SLC38A10: variants seen among roughly 807,000 people sequenced by gnomAD.
SLC38A10 encodes the protein Sodium-coupled neutral amino acid transporter 10.
Under a neutral mutation model 81.0 loss-of-function variants are expected in SLC38A10, and 53 were observed. That is an observed-to-expected ratio of 0.65 (90% CI 0.53 to 0.82). The LOEUF (loss-of-function observed/expected upper bound fraction) is 0.82. Among genes scored for constraint, SLC38A10 ranks in the 40% least tolerant of loss-of-function variants. The probability of loss-of-function intolerance (pLI) is 0.00; values close to 1 mark genes in which losing one functional copy is unlikely to be tolerated. For synonymous variants in SLC38A10, 665 were observed against 655.3 expected, an observed-to-expected ratio of 1.01 and a Z score of -0.23; for missense variants, 1,471 against 1,545.0, an observed-to-expected ratio of 0.95 and a Z score of 0.80.
In SLC38A10 at chr17:81,286,153, C is replaced by T. The variant is rs771369904; in HGVS notation, c.218-1258G>A. The stretch of plus-strand genomic sequence containing the variant: ...GAACGCCCTCCACACCCCTCAGTGA[C>T]GGCACAGCCCGGAAGCAACAAAACA... On this transcript the variant is annotated intron_variant, in intron 2 of 15. Transcript: ENST00000374759. The surrounding 1 kb of genome is among the most constrained non-coding windows in gnomAD (Gnocchi z 6.0). Among the ~76,000 whole-genome samples the T allele has an allele frequency of 6.6e-6, 1 of 152,208 alleles. No individual in the cohort carries two copies. The highest frequency in any genetic ancestry group is 1.5e-5 in the Non-Finnish European group (1 of 68,034).
chr17:81,292,089 T>C (rs976029537), intron 1 of SLC38A10, among the ~76,000 whole-genome samples: 6 of 152,026 alleles, frequency 3.9e-5, no homozygotes, highest in Admixed American at 6.6e-5. Flanking sequence ...ATAATCTATA[T>C]AGATCTATAT....
In SLC38A10 at chr17:81,286,244, A is replaced by G. The variant is rs898477598; in HGVS notation, c.218-1349T>C. Reference sequence around the variant, plus strand: ...CTTTTCATTCTCCAAAAGGAAGCTGAGTCTCTACAGCATATTCCAAACACG... The same window carrying G: ...CTTTTCATTCTCCAAAAGGAAGCTGGGTCTCTACAGCATATTCCAAACACG... On this transcript the variant is annotated intron_variant, in intron 2 of 15. Coordinates refer to ENST00000374759, the MANE Select transcript of SLC38A10 (RefSeq NM_001037984.3). This position sits in a 1 kb window ranked among gnomAD's most constrained non-coding sequence, Gnocchi z 6.0. Among the ~76,000 whole-genome samples the G allele has an allele frequency of 6.6e-6, 1 of 152,212 alleles. No homozygotes were observed.
At chr17:81,251,773 C>G (rs927006583) in intron 13 of SLC38A10, 161 bp from the exon 14 acceptor site, 2 of 727,704 alleles carry the variant, frequency 2.7e-6, no homozygotes, top group Non-Finnish European at 4.0e-6. Flanking sequence ...TGATTACTAG[C>G]GAAGCAATAA....
rs139150477 is a variant in SLC38A10, at chr17:81,250,741, C to G, written c.2065+752G>C. 166 of 829,730 alleles carry G rather than the reference C, an allele frequency of 2.0e-4. No individual in the cohort carries two copies. The East Asian group carries it at 4.5e-3, about 22-fold the overall frequency. The allele number at this position is 829,730 out of a possible 1,614,324, so 51.4% of individuals were successfully genotyped here. A position where few individuals can be genotyped will look rare whatever the true frequency, so the allele number is the denominator to read the frequency against. ...CCTCAGAGGGCGGGTGGACCCCTAG[C>G]CTGGGAGAGGACATGGCACAGAAGC... On this transcript the variant is annotated intron_variant, in intron 14 of 15. Transcript: ENST00000374759.
rs1395812573 is a variant in SLC38A10, at chr17:81,252,653, C to T, written c.1487G>A (p.Arg496His). The T allele has an allele frequency of 1.9e-6, 3 of 1,608,048 alleles. No homozygotes were observed. Among genetic ancestry groups the T allele is most frequent in the Admixed American group, 3.3e-5 (2 of 59,788 alleles). Residue 496 changes from arginine (R) to histidine (H), a missense_variant, in exon 13 of 16, where the codon CGC becomes CAC. Physicochemically the swap from Arg to His is conservative, Grantham distance 29. Around this residue, in one of 2 missense-constraint regions of SLC38A10, gnomAD observed 720 missense variants for 827.7 expected, o/e 0.87. Coordinates refer to ENST00000374759, the MANE Select transcript of SLC38A10 (RefSeq NM_001037984.3). ...GIAVPVGEAH[R>H]HEPPVPHDKV... ...GTCGTGAGGAACAGGAGGCTCGTGG[C>T]GGTGGGCCTCGCCCACAGGCACAGC... is the stretch of plus-strand genomic sequence containing the variant.
At position 81,268,878 on chromosome 17, in the gene SLC38A10, T is replaced by C. The variant is rs552670876; in HGVS notation, c.1131+2040A>G. 9.2e-5 allele frequency among the ~76,000 whole-genome samples: 14 copies of C among 152,318 alleles called. No individual in the cohort carries two copies. The East Asian group carries it at 2.5e-3, about 27-fold the overall frequency. ...AAGAACAAGACAAAAGTCAACTGCA[T>C]GCTGTTATAAGAGACATACCATGAA... On this transcript the variant is annotated intron_variant, in intron 10 of 15. Transcript: ENST00000374759.
intron 8 of SLC38A10, among the ~76,000 whole-genome samples, chr17:81,275,432 G>A (rs1249844163): frequency 6.6e-6 from 1 of 152,046 alleles, no homozygotes; most frequent in Non-Finnish European, 1.5e-5. Context: ...TTACACAAAA[G>A]TCAAGAGAAC....
At chr17:81,282,670 A>C (rs1352786410) in intron 4 of SLC38A10, among the ~76,000 whole-genome samples, 1 of 152,222 alleles carries the variant, frequency 6.6e-6, no homozygotes, top group Non-Finnish European at 1.5e-5. Flanking sequence ...GGAAAGGTGC[A>C]GACTGCCCTG....
At position 81,271,028 on chromosome 17, in the gene SLC38A10, G is replaced by C. The variant is rs1310642878; in HGVS notation, c.1025-4C>G. ...GTGAGGCCCAGGATGGTCTCCACTA[G>C]GATGGAGAAGTGACAGGAAGGGATG... On this transcript the variant is annotated splice_polypyrimidine_tract_variant and splice_region_variant and intron_variant, in intron 9 of 15. Coordinates refer to ENST00000374759, the MANE Select transcript of SLC38A10 (RefSeq NM_001037984.3). 1 of 1,607,360 alleles carries C rather than the reference G, an allele frequency of 6.2e-7. No individual in the cohort carries two copies. Among genetic ancestry groups the C allele is most frequent in the Non-Finnish European group, 8.5e-7 (1 of 1,176,344 alleles).
In SLC38A10 at chr17:81,253,044, C is replaced by T. The variant is rs1053436432; in HGVS notation, c.1456+29G>A. 3 of 1,604,954 alleles carry T rather than the reference C, an allele frequency of 1.9e-6. No individual in the cohort carries two copies. The African/African-American group carries it at 4.0e-5, about 21-fold the overall frequency. ...AGGAGGACCCGGGGCCGCCCTTCCC[C>T]ATCCGCACCCCCAGCCAGTGCCCAG... On this transcript the variant is annotated intron_variant, in intron 12 of 15. Coordinates refer to ENST00000374759, the MANE Select transcript of SLC38A10 (RefSeq NM_001037984.3). The surrounding 1 kb of genome is among the most constrained non-coding windows in gnomAD (Gnocchi z 4.1).
chr17:81,276,199 G>A lies in SLC38A10; in HGVS notation c.730-48C>T, dbSNP rs1309408482. 14 of 1,522,448 alleles carry A rather than the reference G, an allele frequency of 9.2e-6. No homozygotes were observed. The highest frequency in any genetic ancestry group is 2.7e-5 in the African/African-American group (2 of 72,830). The allele number at this position is 1,522,448 out of a possible 1,614,324, so 94.3% of individuals were successfully genotyped here. On this transcript the variant is annotated intron_variant, in intron 7 of 15. Coordinates refer to ENST00000374759, the MANE Select transcript of SLC38A10 (RefSeq NM_001037984.3). The surrounding 1 kb of genome is among the most constrained non-coding windows in gnomAD (Gnocchi z 4.7). ...AACGTGGCAGACAGACATCCTAGCCGAGTGGCACCTGTCACAGTGGGCAGG... is the reference window on the plus strand; with the variant it reads ...AACGTGGCAGACAGACATCCTAGCCAAGTGGCACCTGTCACAGTGGGCAGG...
intron 11 of SLC38A10, among the ~76,000 whole-genome samples, chr17:81,256,394 G>A (rs2062972962): frequency 6.6e-6 from 1 of 152,314 alleles, no homozygotes; most frequent in South Asian, 2.1e-4. Flanking sequence ...GACGGGCGGG[G>A]AGGCCAGCGA....
Position 81,246,036 on chromosome 17 carries a change from T to G in SLC38A10, c.2880A>C (p.Glu960Asp). The G allele has an allele frequency of 6.2e-7, 1 of 1,610,532 alleles. No individual in the cohort carries two copies. The change falls in exon 16 of 16, where the codon GAA becomes GAC. Residue 960 changes from glutamate (E) to aspartate (D), a missense_variant. Coordinates refer to ENST00000374759, the MANE Select transcript of SLC38A10 (RefSeq NM_001037984.3). ...GCTCGCCATCAGAGATGACCCGCAG[T>G]TCCGGCTGGCGTAACACAGCCTGGG... ...AQPQAVLRQP[E>D]LRVISDGEQG...
intron 10 of SLC38A10, among the ~76,000 whole-genome samples, chr17:81,261,722 G>A (rs964614299): frequency 8.5e-5 from 13 of 152,252 alleles, no homozygotes; most frequent in African/African-American, 3.1e-4. Flanking sequence ...CTGAGGCTCT[G>A]GGGTCAGTGG....
At position 81,269,802 on chromosome 17, in the gene SLC38A10, C is replaced by T. The variant is rs143177792; in HGVS notation, c.1131+1116G>A. Reference sequence around the variant, plus strand: ...GAGTTCAAGACCAGCGTGACCAACACGGAGAAACCCCGTCTCACTAAAAAT... The same window carrying T: ...GAGTTCAAGACCAGCGTGACCAACATGGAGAAACCCCGTCTCACTAAAAAT... On this transcript the variant is annotated intron_variant, in intron 10 of 15. Transcript: ENST00000374759. 4.7e-3 allele frequency among the ~76,000 whole-genome samples: 707 copies of T among 151,868 alleles called. 6 individuals are homozygous for T. The highest frequency in any genetic ancestry group is 4.8e-3 in the Non-Finnish European group (324 of 67,954).
chr17:81,265,620 C>T lies in SLC38A10; in HGVS notation c.1132-5226G>A, dbSNP rs994839055. 5.3e-5 allele frequency among the ~76,000 whole-genome samples: 8 copies of T among 152,212 alleles called. No homozygotes were observed. The highest frequency in any genetic ancestry group is 1.2e-4 in the African/African-American group (5 of 41,452). On this transcript the variant is annotated intron_variant, in intron 10 of 15. Coordinates refer to ENST00000374759, the MANE Select transcript of SLC38A10 (RefSeq NM_001037984.3). The surrounding 1 kb of genome is among the most constrained non-coding windows in gnomAD (Gnocchi z 4.2). Reference sequence around the variant, plus strand: ...CTTCCTGAGGTCCCTGGGCTGGGTACAGGCACCATATCGCTGAGAGTACTC... The same window carrying T: ...CTTCCTGAGGTCCCTGGGCTGGGTATAGGCACCATATCGCTGAGAGTACTC...
rs561839024 is a variant in SLC38A10 at position 81,276,464 on chromosome 17, G to T, written c.730-313C>A. ...GCAGTGGTGCGATCTTGGCCTCGGC[G>T]TACCTCTGCCTCCCCGGTCCTGGTT... On this transcript the variant is annotated intron_variant, in intron 7 of 15. Transcript: ENST00000374759. The surrounding 1 kb of genome is among the most constrained non-coding windows in gnomAD (Gnocchi z 4.7). Among the ~76,000 whole-genome samples the T allele has an allele frequency of 6.7e-6, 1 of 150,180 alleles. No homozygotes were observed. Among genetic ancestry groups the T allele is most frequent in the African/African-American group, 2.5e-5 (1 of 40,594 alleles).
chr17:81,293,916 T>G (rs2063328914), intron 1 of SLC38A10, among the ~76,000 whole-genome samples: 1 of 152,194 alleles, frequency 6.6e-6, no homozygotes. Flanking sequence ...GCCATTTTCT[T>G]TCATGTGTTA....
At chr17:81,272,465 C>A in intron 9 of SLC38A10, 51 bp downstream of exon 9, 1 of 1,258,548 alleles carries the variant, frequency 7.9e-7, no homozygotes, top group South Asian at 1.4e-5. Context: ...TTGGTTGATG[C>A]CGAAGCCCCG....
Sources: allele counts gnomAD v4.1 joint callset (sites outside exome capture counted in the v4.1 genomes callset), GRCh38; gene constraint gnomAD v4.1.1; regional missense constraint gnomAD v4.1.1; non-coding constraint Gnocchi (gnomAD v3.1); transcripts MANE v1.5; gene names NCBI Gene and HGNC (gene_info 2026-07-23, HGNC 2026-07-21).